FHAD1: variants seen among roughly 807,000 people sequenced by gnomAD.
FHAD1 encodes forkhead associated phosphopeptide binding domain 1, also known as forkhead-associated domain-containing protein 1.
Under a neutral mutation model 191.3 loss-of-function variants are expected in FHAD1, and 146 were observed. That is an observed-to-expected ratio of 0.76 (90% CI 0.67 to 0.88). The LOEUF (loss-of-function observed/expected upper bound fraction) is 0.88, where lower values mean the gene tolerates loss of function less well. Among genes scored for constraint, FHAD1 ranks in the 40% least tolerant of loss-of-function variants. The pLI is 0.00. For missense variants in FHAD1, 1,635 were observed against 1,785.8 expected, an observed-to-expected ratio of 0.92 and a Z score of 1.52; for synonymous variants, 616 against 672.3, an observed-to-expected ratio of 0.92 and a Z score of 1.29.
chr1:15,380,741 TGGAGAA>T lies in FHAD1; in HGVS notation c.3748_3753del (p.Glu1250_Lys1251del). On this transcript the variant is annotated inframe_deletion, in exon 29 of 34. Coordinates refer to ENST00000688493, the MANE Select transcript of FHAD1 (RefSeq NM_001391957.1). ...TGCAACGCAAGGTTCGGCTCAGCCA[TGGAGAA>T]GTCAGGGAAGATGGATGTGGCTGAG... 1 of 1,551,720 alleles carries T rather than the reference TGGAGAA, an allele frequency of 6.4e-7. No individual in the cohort carries two copies. The highest frequency in any genetic ancestry group is 8.7e-7 in the Non-Finnish European group (1 of 1,146,986).
At chr1:15,240,956 C>CAAAA (rs55740154) in intron 1 of FHAD1, among the ~76,000 whole-genome samples, 192 of 124,704 alleles carry the variant, frequency 1.5e-3, no homozygotes, top group African/African-American at 4.6e-3. Flanking sequence ...GACTCTATCT[C>CAAAA]AAAAAAAAAA....
intron 14 of FHAD1, among the ~76,000 whole-genome samples, chr1:15,333,952 C>T (rs965082145): frequency 3.3e-5 from 5 of 150,872 alleles, no homozygotes; most frequent in Admixed American, 6.6e-5. Flanking sequence ...TCCACCTCAG[C>T]CTCCCAAGTA....
chr1:15,375,986 C>G (rs774826787), intron 28 of FHAD1, among the ~76,000 whole-genome samples: 29 of 151,326 alleles, frequency 1.9e-4, no homozygotes, highest in Non-Finnish European at 3.5e-4. Context: ...CATGGCGGGC[C>G]CCCTTTCCAG....
chr1:15,393,415 G>GACACAC (rs772225551), intron 33 of FHAD1, among the ~76,000 whole-genome samples: 1 of 127,676 alleles, frequency 7.8e-6, no homozygotes, highest in East Asian at 2.1e-4. Context: ...CATAGATGTG[G>GACACAC]ACACACACAC....
Position 15,345,481 on chromosome 1 carries a change from A to C in FHAD1, c.2304A>C (p.Thr768=). Residue 768 remains threonine, a synonymous_variant, in exon 18 of 34, where the codon ACA becomes ACC. Transcript: ENST00000688493. The part of the protein sequence containing the change: ...RVKEALEEEQ[T]RVQELEERLA... ...AGGAAGCATTAGAGGAAGAGCAGAC[A>C]AGAGTCCAAGAGCTGGAGGAACGCT... 2 of 1,552,282 alleles carry C rather than the reference A, an allele frequency of 1.3e-6. No homozygotes were observed. The highest frequency in any genetic ancestry group is 1.7e-6 in the Non-Finnish European group (2 of 1,147,128).
intron 3 of FHAD1, among the ~76,000 whole-genome samples, chr1:15,275,221 C>A (rs901101968): frequency 3.3e-5 from 5 of 152,186 alleles, no homozygotes; most frequent in Non-Finnish European, 7.3e-5. Flanking sequence ...CTCAGCCTCC[C>A]AAAGTGCTGG....
intron 31 of FHAD1, among the ~76,000 whole-genome samples, chr1:15,386,985 T>G (rs780311425): frequency 1.3e-5 from 2 of 151,918 alleles, no homozygotes; most frequent in African/African-American, 2.4e-5. Flanking sequence ...ACCTCAGCCT[T>G]CCAAGTAGCT....
intron 3 of FHAD1, among the ~76,000 whole-genome samples, chr1:15,287,448 A>G (rs972684510): frequency 2.6e-5 from 4 of 152,128 alleles, no homozygotes; most frequent in African/African-American, 9.7e-5. Flanking sequence ...GGGGAAGCAA[A>G]CGTGTCCTTC....
chr1:15,367,347 T>C, intron 24 of FHAD1, 116 bp from the exon 25 acceptor site: 1 of 1,188,088 alleles, frequency 8.4e-7, no homozygotes, highest in South Asian at 1.6e-5. Flanking sequence ...AATACAAAAA[T>C]TAGCCAGTCG....
chr1:15,373,734 T>TA (rs1230542436), intron 26 of FHAD1, among the ~76,000 whole-genome samples: 2 of 152,146 alleles, frequency 1.3e-5, no homozygotes, highest in Non-Finnish European at 2.9e-5. Context: ...CACACACTTG[T>TA]AGTTCCAGCT....
At chr1:15,371,224 G>C (rs1395531192) in intron 26 of FHAD1, among the ~76,000 whole-genome samples, 1 of 152,190 alleles carries the variant, frequency 6.6e-6, no homozygotes, top group Admixed American at 6.5e-5. Flanking sequence ...CCCTATGCCA[G>C]GGATAGGAGA....
Position 15,296,592 on chromosome 1 carries a change from G to A in FHAD1, c.569-92G>A, listed in dbSNP as rs75581149. ...TACATAAAATATCAATCTCTGGGGG[G>A]AAACAAACAGGAAGGCTAACGTGAA... On this transcript the variant is annotated intron_variant, in intron 4 of 33. Transcript: ENST00000688493. 2.6e-3 allele frequency: 3,019 copies of A among 1,142,454 alleles called. 52 individuals carry two copies. In the African/African-American group the frequency reaches 0.042, roughly 16 times the overall value. The allele number at this position is 1,142,454 out of a possible 1,614,324, so 70.8% of individuals were successfully genotyped here. A position where few individuals can be genotyped will look rare whatever the true frequency, so the allele number is the denominator to read the frequency against.
chr1:15,367,069 T>C (rs944774683), intron 24 of FHAD1, among the ~76,000 whole-genome samples: 2 of 152,092 alleles, frequency 1.3e-5, no homozygotes, highest in Non-Finnish European at 2.9e-5. Context: ...TAATAAGATA[T>C]GAGAAAGTGT....
Position 15,345,527 on chromosome 1 carries a change from C to T in FHAD1, c.2346+4C>T, listed in dbSNP as rs138312677. On this transcript the variant is annotated splice_donor_region_variant and intron_variant, in intron 18 of 33. Transcript: ENST00000688493. ...ACGCTTGGCCCGCCAGAAGGAGGTA[C>T]GCTCGGGGAGATAGAGTCGGCTGAG... is the stretch of plus-strand genomic sequence containing the variant. 6.4e-6 allele frequency: 10 copies of T among 1,550,884 alleles called. No individual in the cohort carries two copies. The highest frequency in any genetic ancestry group is 2.7e-5 in the African/African-American group (2 of 73,130).
chr1:15,283,489 TAGG>T (rs1661307703), intron 3 of FHAD1, among the ~76,000 whole-genome samples: 1 of 152,194 alleles, frequency 6.6e-6, no homozygotes, highest in Non-Finnish European at 1.5e-5. Flanking sequence ...GTAAAATAAT[TAGG>T]AGGCTAAGTT....
chr1:15,342,123 G>A (rs956494443), intron 16 of FHAD1, among the ~76,000 whole-genome samples: 6 of 152,174 alleles, frequency 3.9e-5, no homozygotes, highest in Admixed American at 6.5e-5. Flanking sequence ...TTCAGGAAAC[G>A]GTGCCTTGTT....
chr1:15,301,059 A>G, intron 5 of FHAD1, 146 bp from the exon 6 acceptor site: 1 of 632,058 alleles, frequency 1.6e-6, no homozygotes. Flanking sequence ...CGAACTCCTG[A>G]CCTCAGGCGA....
At chr1:15,390,892 C>T (rs1396142206) in intron 32 of FHAD1, among the ~76,000 whole-genome samples, 2 of 152,172 alleles carry the variant, frequency 1.3e-5, no homozygotes, top group Admixed American at 6.5e-5. Flanking sequence ...CTAAAACAGA[C>T]GTGTCCTCCG....
intron 3 of FHAD1, among the ~76,000 whole-genome samples, chr1:15,288,978 A>C (rs1193881918): frequency 6.6e-6 from 1 of 152,058 alleles, no homozygotes; most frequent in East Asian, 1.9e-4. Flanking sequence ...GAAGTGACTC[A>C]TTGTTTTTTT....
Sources: allele counts gnomAD v4.1 joint callset (sites outside exome capture counted in the v4.1 genomes callset), GRCh38; gene constraint gnomAD v4.1.1; transcripts MANE v1.5; gene names NCBI Gene and HGNC (gene_info 2026-07-23, HGNC 2026-07-21).